The following ACBD6 variants were observed in gnomAD, a reference collection of about 807,000 sequenced individuals.
ACBD6 encodes acyl-CoA-binding domain-containing protein 6.
In ACBD6, 28 loss-of-function variants were observed where a neutral mutation model predicts 37.2. That is an observed-to-expected ratio of 0.75 (90% CI 0.56 to 1.03). ACBD6 has a LOEUF of 1.03. Among genes scored for constraint, ACBD6 ranks in the 50% least tolerant of loss-of-function variants. ACBD6 has a pLI of 0.00. For synonymous variants in ACBD6, 113 were observed against 126.8 expected (o/e 0.89, Z 0.73); for missense variants, 340 against 337.4 (o/e 1.01, Z -0.06).
At chr1:180,445,091 A>T (rs1383969413) in intron 3 of ACBD6, among the ~76,000 whole-genome samples, 1 of 152,224 alleles carries the variant, frequency 6.6e-6, no homozygotes, top group Non-Finnish European at 1.5e-5. Flanking sequence ...TAAAAATGGG[A>T]ATAATAGTAC....
chr1:180,318,165 C>CCG (rs1553291904), intron 6 of ACBD6, among the ~76,000 whole-genome samples: 1 of 72,190 alleles, frequency 1.4e-5, no homozygotes, highest in Non-Finnish European at 2.7e-5. Context: ...CCATCTCCGC[C>CCG]CCCCCCCCCC....
chr1:180,450,358 T>G (rs1199943692), intron 3 of ACBD6, among the ~76,000 whole-genome samples: 1 of 152,182 alleles, frequency 6.6e-6, no homozygotes, highest in Non-Finnish European at 1.5e-5. Flanking sequence ...CACACAAGAA[T>G]GACTGGGAAG....
chr1:180,292,613 G>GT (rs140756505), intron 7 of ACBD6, among the ~76,000 whole-genome samples: 10,633 of 144,520 alleles, frequency 0.074, 400 homozygotes, highest in African/African-American at 0.11. Flanking sequence ...CTTATTCTAG[G>GT]TTTTTTTTTT....
intron 4 of ACBD6, among the ~76,000 whole-genome samples, chr1:180,422,063 C>G (rs1020602274): frequency 3.5e-4 from 53 of 152,310 alleles, no homozygotes; most frequent in Admixed American, 1.3e-4. Context: ...AGTAGAGTCT[C>G]TAAGTATGCC....
At chr1:180,443,739 A>C (rs1404520312) in intron 3 of ACBD6, among the ~76,000 whole-genome samples, 1 of 150,976 alleles carries the variant, frequency 6.6e-6, no homozygotes, top group African/African-American at 2.4e-5. Flanking sequence ...CAGCCTCCCA[A>C]GTAGCTGGGA....
chr1:180,276,836 G>GC (rs879277139), intron 9 of ACBD6: 2 of 33,304 alleles, frequency 6.0e-5, no homozygotes, highest in African/African-American at 2.0e-4. Context: ...TTTTTAAAAG[G>GC]GGGGGGGGCA....
intron 4 of ACBD6, among the ~76,000 whole-genome samples, chr1:180,424,297 T>C (rs1173831956): frequency 1.3e-5 from 2 of 152,208 alleles, no homozygotes; most frequent in African/African-American, 4.8e-5. Context: ...GTAATACATA[T>C]AGTATGGTTA....
intron 6 of ACBD6, among the ~76,000 whole-genome samples, chr1:180,390,715 T>C (rs1046444976): frequency 2.0e-5 from 3 of 152,184 alleles, no homozygotes; most frequent in Admixed American, 2.0e-4. Context: ...AAGAGGTCCT[T>C]CACGTCCCTT....
At chr1:180,454,414 T>C (rs1242215935) in intron 3 of ACBD6, among the ~76,000 whole-genome samples, 1 of 152,080 alleles carries the variant, frequency 6.6e-6, no homozygotes, top group Non-Finnish European at 1.5e-5. Context: ...CCTAAAACTA[T>C]AAAAACCCTA....
intron 3 of ACBD6, among the ~76,000 whole-genome samples, chr1:180,450,373 T>A (rs948019598): frequency 6.6e-6 from 1 of 152,184 alleles, no homozygotes; most frequent in Non-Finnish European, 1.5e-5. Context: ...GGGAAGGTAG[T>A]GGGACTTGAT....
chr1:180,375,475 A>AC (rs1653398835), intron 6 of ACBD6, among the ~76,000 whole-genome samples: 1 of 152,106 alleles, frequency 6.6e-6, no homozygotes, highest in Admixed American at 6.6e-5. Flanking sequence ...AGAGGTGCAC[A>AC]CCACCATGCC....
intron 6 of ACBD6, among the ~76,000 whole-genome samples, chr1:180,334,853 A>T (rs1651638598): frequency 6.6e-6 from 1 of 152,202 alleles, no homozygotes; most frequent in African/African-American, 2.4e-5. Flanking sequence ...CACGAGAACT[A>T]CGTGACGAAT....
intron 6 of ACBD6, among the ~76,000 whole-genome samples, chr1:180,354,155 G>A (rs1399212366): frequency 6.6e-6 from 1 of 152,226 alleles, no homozygotes; most frequent in East Asian, 1.9e-4. Flanking sequence ...CCCCAGTGGG[G>A]GAGGTAGGCC....
intron 3 of ACBD6, among the ~76,000 whole-genome samples, chr1:180,458,219 T>G (rs1649995926): frequency 6.6e-6 from 1 of 152,130 alleles, no homozygotes; most frequent in Non-Finnish European, 1.5e-5. Flanking sequence ...AAAAAGACAA[T>G]GAAAAATATA....
chr1:180,459,515 A>C (rs1324890168), intron 3 of ACBD6, among the ~76,000 whole-genome samples: 1 of 152,188 alleles, frequency 6.6e-6, no homozygotes, highest in East Asian at 1.9e-4. Context: ...TGACAATTAT[A>C]GTCCAAGTAC....
intron 5 of ACBD6, among the ~76,000 whole-genome samples, chr1:180,398,584 A>C (rs1654351698): frequency 6.6e-6 from 1 of 152,228 alleles, no homozygotes; most frequent in Non-Finnish European, 1.5e-5. Flanking sequence ...TAGGAGATAA[A>C]GTACTAAATA....
At chr1:180,291,158 T>C (rs1425595622) in intron 7 of ACBD6, among the ~76,000 whole-genome samples, 2 of 152,220 alleles carry the variant, frequency 1.3e-5, no homozygotes, top group Non-Finnish European at 2.9e-5. Context: ...TTCCAATTTT[T>C]GGCATTATGA....
At chr1:180,470,637 C>T (rs777397672) in intron 3 of ACBD6, among the ~76,000 whole-genome samples, 17 of 152,128 alleles carry the variant, frequency 1.1e-4, no homozygotes, top group Non-Finnish European at 2.2e-4. Context: ...AGATCTCAAG[C>T]CTCCCATGAT....
chr1:180,388,947 T>C (rs1053952997), intron 6 of ACBD6, among the ~76,000 whole-genome samples: 1 of 152,230 alleles, frequency 6.6e-6, no homozygotes, highest in African/African-American at 2.4e-5. Context: ...CATGTATTCA[T>C]GGACTTAATA....
Sources: gnomAD v4.1 joint callset for allele counts (sites outside exome capture counted in the v4.1 genomes callset) on GRCh38, gnomAD v4.1.1 for gene constraint, MANE v1.5 for transcripts, NCBI Gene and HGNC (gene_info 2026-07-23, HGNC 2026-07-21) for gene names.